DYNC2H1: variants seen among roughly 807,000 people sequenced by gnomAD.
DYNC2H1 encodes the protein dynein cytoplasmic 2 heavy chain 1.
DYNC2H1 carries 410 observed loss-of-function variants against 570.0 expected under a neutral mutation model. The observed-to-expected ratio is 0.72, with a 90% confidence interval of 0.66 to 0.78. DYNC2H1 has a LOEUF of 0.78. Ranked by LOEUF, DYNC2H1 falls within the 30% of genes least tolerant of loss-of-function variation. DYNC2H1 has a pLI of 0.00. For missense variants in DYNC2H1, 4,865 were observed against 5,046.4 expected (o/e 0.96, Z 1.09); for synonymous variants, 1,688 against 1,677.6 (o/e 1.01, Z -0.15).
intron 71 of DYNC2H1, 169 bp from the exon 72 acceptor site, chr11:103,282,007 TGTC>T: frequency 3.8e-6 from 2 of 522,196 alleles, no homozygotes; most frequent in Non-Finnish European, 6.6e-6. Context: ...TATTTTATGT[TGTC>T]ACATTAATTC....
intron 18 of DYNC2H1, among the ~76,000 whole-genome samples, chr11:103,143,708 A>G (rs994572537): frequency 2.0e-5 from 3 of 152,134 alleles, no homozygotes; most frequent in Non-Finnish European, 4.4e-5. Flanking sequence ...TACTGGTGAG[A>G]GCATACTAGA....
At chr11:103,391,259 A>T (rs1350898197) in intron 83 of DYNC2H1, among the ~76,000 whole-genome samples, 1 of 152,118 alleles carries the variant, frequency 6.6e-6, no homozygotes, top group Non-Finnish European at 1.5e-5. Flanking sequence ...ATCTTCAATC[A>T]CTGATATCCT....
intron 87 of DYNC2H1, 122 bp from the exon 88 acceptor site, chr11:103,468,467 G>A: frequency 1.6e-6 from 1 of 635,566 alleles, no homozygotes; most frequent in Non-Finnish European, 2.7e-6. Context: ...CATAATCTTT[G>A]TTTTCATATA....
At chr11:103,116,532 A>C in intron 4 of DYNC2H1, 38 bp from the exon 5 acceptor site, 1 of 1,527,594 alleles carries the variant, frequency 6.5e-7, no homozygotes, top group Non-Finnish European at 8.9e-7. Flanking sequence ...CAAGGTACAA[A>C]TATAATTATG....
chr11:103,438,001 A>G (rs1434554021), intron 85 of DYNC2H1, among the ~76,000 whole-genome samples: 1 of 152,096 alleles, frequency 6.6e-6, no homozygotes, highest in African/African-American at 2.4e-5. Context: ...GGTCGTCAAA[A>G]CTGAACACTT....
Position 103,363,452 on chromosome 11 carries a change from T to G in DYNC2H1, c.12156+5093T>G, listed in dbSNP as rs1037724746. On this transcript the variant is annotated intron_variant, in intron 83 of 88. Transcript: ENST00000375735. This position sits in a 1 kb window ranked among gnomAD's most constrained non-coding sequence, Gnocchi z 5.6. ...GCAATTTCAAAATTGCTGTTAGGGGTTTAGATTAATACTCAATTTAAAATC... is the reference window on the plus strand; with the variant it reads ...GCAATTTCAAAATTGCTGTTAGGGGGTTAGATTAATACTCAATTTAAAATC... Among the ~76,000 whole-genome samples, 4 of 152,162 alleles carry G rather than the reference T, an allele frequency of 2.6e-5. No individual in the cohort carries two copies. The highest frequency in any genetic ancestry group is 4.8e-5 in the African/African-American group (2 of 41,448).
In DYNC2H1 at chr11:103,465,507, C is replaced by A. The variant is rs1365605031; in HGVS notation, c.12649-3082C>A. ...GAGTTTGAGTTAGCATTTGCTCAAA[C>A]TAGCTCAAAACTTAGTGGCTTAGAA... On this transcript the variant is annotated intron_variant, in intron 87 of 88. Coordinates refer to ENST00000375735, the MANE Select transcript of DYNC2H1 (RefSeq NM_001377.3). The surrounding 1 kb of genome is among the most constrained non-coding windows in gnomAD (Gnocchi z 4.9). 1.3e-5 allele frequency among the ~76,000 whole-genome samples: 2 copies of A among 151,764 alleles called. No homozygotes were observed. Among genetic ancestry groups the A allele is most frequent in the Non-Finnish European group, 2.9e-5 (2 of 67,968 alleles).
At chr11:103,188,682 G>T in intron 44 of DYNC2H1, 34 bp downstream of exon 44, 1 of 1,433,132 alleles carries the variant, frequency 7.0e-7, no homozygotes, top group South Asian at 1.7e-5. Context: ...TTTTTAATTT[G>T]GGAAGATATC....
At chr11:103,421,978 A>G (rs962274053) in intron 84 of DYNC2H1, among the ~76,000 whole-genome samples, 1 of 152,144 alleles carries the variant, frequency 6.6e-6, no homozygotes, top group Non-Finnish European at 1.5e-5. Context: ...GAAGAATCTA[A>G]TAAACACAAT....
chr11:103,285,588 A>AT (rs946635068), intron 73 of DYNC2H1, among the ~76,000 whole-genome samples: 14 of 150,476 alleles, frequency 9.3e-5, no homozygotes, highest in Admixed American at 2.6e-4. Context: ...AGCCTGACTA[A>AT]TTTTTTTTGT....
At chr11:103,337,557 T>C (rs561561917) in intron 82 of DYNC2H1, among the ~76,000 whole-genome samples, 21 of 152,212 alleles carry the variant, frequency 1.4e-4, no homozygotes, top group Non-Finnish European at 2.5e-4. Context: ...ATTTTTTGTC[T>C]TTTTGATAAA....
chr11:103,384,738 C>G lies in DYNC2H1; in HGVS notation c.12157-14925C>G, dbSNP rs1161164136. 2.0e-5 allele frequency among the ~76,000 whole-genome samples: 3 copies of G among 152,056 alleles called. No homozygotes were observed. The East Asian group carries it at 5.8e-4, about 29-fold the overall frequency. ...TGCAGTTATGATTTTATATTTTAGTCTGTCTTTCTTGTTGTTGTAGTCATG... is the reference window on the plus strand; with the variant it reads ...TGCAGTTATGATTTTATATTTTAGTGTGTCTTTCTTGTTGTTGTAGTCATG... On this transcript the variant is annotated intron_variant, in intron 83 of 88. Coordinates refer to ENST00000375735, the MANE Select transcript of DYNC2H1 (RefSeq NM_001377.3).
chr11:103,320,040 A>G (rs1938084130), intron 80 of DYNC2H1, among the ~76,000 whole-genome samples: 2 of 152,204 alleles, frequency 1.3e-5, no homozygotes, highest in South Asian at 4.1e-4. Flanking sequence ...ATGAAATGGA[A>G]CTATGCTAGT....
rs552515168 is a variant in DYNC2H1 at position 103,186,376 on chromosome 11, C to T, written c.6768C>T (p.Asn2256=). The T allele has an allele frequency of 1.8e-5, 29 of 1,612,702 alleles. No homozygotes were observed. Among genetic ancestry groups the T allele is most frequent in the Middle Eastern group, 1.6e-4 (1 of 6,080 alleles). Residue 2256 remains asparagine, a synonymous_variant, in exon 42 of 89, where the codon AAC becomes AAT. Coordinates refer to ENST00000375735, the MANE Select transcript of DYNC2H1 (RefSeq NM_001377.3). This position sits in a 1 kb window ranked among gnomAD's most constrained non-coding sequence, Gnocchi z 4.5. ...ACTTGACTGCTGATGATTTCAGTAACGGCTTAACTCTTCCAGTCATTCAGA... is the reference window on the plus strand; with the variant it reads ...ACTTGACTGCTGATGATTTCAGTAATGGCTTAACTCTTCCAGTCATTCAGA... ...PEDLTADDFS[N]GLTLPVIQTP... is the part of the protein sequence containing the mutation.
intron 20 of DYNC2H1, among the ~76,000 whole-genome samples, chr11:103,149,167 G>A (rs921353893): frequency 1.3e-5 from 2 of 152,162 alleles, no homozygotes; most frequent in Non-Finnish European, 2.9e-5. Flanking sequence ...ATTTTATGAT[G>A]TGGCATATTA....
chr11:103,280,296 T>C lies in DYNC2H1; in HGVS notation c.10696-52T>C. ...TGCCAAATTTTAACGACTATGCTTT[T>C]CCAAAGACACAAATTTTTAAAAGGC... On this transcript the variant is annotated intron_variant, in intron 70 of 88. Coordinates refer to ENST00000375735, the MANE Select transcript of DYNC2H1 (RefSeq NM_001377.3). The surrounding 1 kb of genome is among the most constrained non-coding windows in gnomAD (Gnocchi z 4.7). The C allele has an allele frequency of 6.5e-7, 1 of 1,535,644 alleles. No homozygotes were observed. Among genetic ancestry groups the C allele is most frequent in the Admixed American group, 2.0e-5 (1 of 50,824 alleles).
At chr11:103,397,001 A>T (rs758622103) in intron 83 of DYNC2H1, among the ~76,000 whole-genome samples, 43 of 152,176 alleles carry the variant, frequency 2.8e-4, no homozygotes, top group Admixed American at 8.5e-4. Context: ...GGGTTGAAAA[A>T]ATACCTAAAT....
At chr11:103,339,572 C>A (rs10895403) in intron 82 of DYNC2H1, among the ~76,000 whole-genome samples, 1 of 151,970 alleles carries the variant, frequency 6.6e-6, no homozygotes, top group Non-Finnish European at 1.5e-5. Flanking sequence ...CAAAGTCTTA[C>A]GTATTTTTTC....
In DYNC2H1 at chr11:103,109,584, G is replaced by C. The variant is rs368916470; in HGVS notation, c.10G>C (p.Gly4Arg). Residue 4 changes from glycine (G) to arginine (R), a missense_variant, in exon 1 of 89, where the codon GGG becomes CGG. Around this residue, in one of 5 missense-constraint regions of DYNC2H1, gnomAD observed 1,936 missense variants for 1,962.1 expected, o/e 0.99. Coordinates refer to ENST00000375735, the MANE Select transcript of DYNC2H1 (RefSeq NM_001377.3). The part of the protein sequence containing the change: MAN[G>R]TADVRKLFIF... The stretch of plus-strand genomic sequence containing the variant: ...TCCACCCCTTCCAATCATGGCGAAC[G>C]GGACTGCGGACGTTCGGAAGCTCTT... 37 of 1,613,464 alleles carry C rather than the reference G, an allele frequency of 2.3e-5. No individual in the cohort carries two copies. The highest frequency in any genetic ancestry group is 4.5e-5 in the East Asian group (2 of 44,878).
Sources: allele counts gnomAD v4.1 joint callset (sites outside exome capture counted in the v4.1 genomes callset), GRCh38; gene constraint gnomAD v4.1.1; regional missense constraint gnomAD v4.1.1; non-coding constraint Gnocchi (gnomAD v3.1); transcripts MANE v1.5; gene names NCBI Gene and HGNC (gene_info 2026-07-23, HGNC 2026-07-21).